The following OR56B2 variants were observed in gnomAD, a reference collection of about 807,000 sequenced individuals.
OR56B2 encodes olfactory receptor 56B2.
chr11:5,762,086 T>A, the OR56B2 span, among the ~76,000 whole-genome samples: 1 of 152,150 alleles, frequency 6.6e-6, no homozygotes, highest in African/African-American at 2.4e-5. Context: ...TATAATCCAT[T>A]GTAAGAATAA....
At chr11:5,766,138 G>C in the OR56B2 span, 1 of 140,286 alleles carries the variant, frequency 7.1e-6, no homozygotes, top group African/African-American at 2.6e-5. Flanking sequence ...GCAAATGGCA[G>C]AACAACAAAG....
At chr11:5,767,042 T>G in the OR56B2 span, 2 of 140,034 alleles carry the variant, frequency 1.4e-5, 1 homozygote, top group African/African-American at 5.2e-5. Context: ...GTTAGAAATA[T>G]AGGTTTATTT....
the OR56B2 span, among the ~76,000 whole-genome samples, chr11:5,763,008 G>A: frequency 6.6e-6 from 1 of 151,340 alleles, no homozygotes; most frequent in Non-Finnish European, 1.5e-5. Flanking sequence ...TTGTTACATT[G>A]GTTTTCTTAT....
the OR56B2 span, among the ~76,000 whole-genome samples, chr11:5,768,822 C>G: frequency 7.2e-6 from 1 of 139,414 alleles, no homozygotes; most frequent in Non-Finnish European, 1.6e-5. Context: ...TTTATTTAAT[C>G]ATAATACTGA....
chr11:5,763,934 A>G, the OR56B2 span, among the ~76,000 whole-genome samples: 2 of 140,262 alleles, frequency 1.4e-5, no homozygotes, highest in South Asian at 2.3e-4. Context: ...TGTAGAAACA[A>G]TTTCATCAAT....
At chr11:5,766,318 TTC>T in the OR56B2 span, 8 of 140,630 alleles carry the variant, frequency 5.7e-5, 2 homozygotes, top group African/African-American at 2.1e-4. Context: ...ACATTTCATG[TTC>T]TTACCCACTT....
At chr11:5,768,600 G>A in the OR56B2 span, among the ~76,000 whole-genome samples, 1 of 139,456 alleles carries the variant, frequency 7.2e-6, no homozygotes, top group Non-Finnish European at 1.6e-5. Context: ...TTGCTGGATG[G>A]AATGGTAGTT....
chr11:5,768,491 C>T, the OR56B2 span, among the ~76,000 whole-genome samples: 1 of 139,014 alleles, frequency 7.2e-6, no homozygotes. Flanking sequence ...AGGTTGATTC[C>T]GTATCTTTCC....
the OR56B2 span, chr11:5,765,047 A>G: frequency 2.8e-5 from 4 of 140,562 alleles, 1 homozygote; most frequent in Non-Finnish European, 6.3e-5. Context: ...TATTTTCTCA[A>G]TACTTCCATA....
the OR56B2 span, among the ~76,000 whole-genome samples, chr11:5,761,912 C>T: frequency 1.3e-5 from 2 of 152,170 alleles, no homozygotes; most frequent in African/African-American, 4.8e-5. Context: ...TAGGGCCACA[C>T]AGAATTTCAT....
chr11:5,761,416 T>C, the OR56B2 span, among the ~76,000 whole-genome samples: 3 of 152,180 alleles, frequency 2.0e-5, no homozygotes, highest in African/African-American at 7.2e-5. Context: ...TTGGAAAACT[T>C]TATGGAACCT....
chr11:5,768,209 T>G, the OR56B2 span, among the ~76,000 whole-genome samples: 18 of 138,432 alleles, frequency 1.3e-4, 1 homozygote, highest in Non-Finnish European at 2.2e-4. Flanking sequence ...TTCTCATTCC[T>G]CATTCCCCTT....
At chr11:5,764,581 A>T in the OR56B2 span, among the ~76,000 whole-genome samples, 2 of 140,782 alleles carry the variant, frequency 1.4e-5, 1 homozygote, top group East Asian at 4.1e-4. Context: ...AAAAGTAAAT[A>T]ATATACATCA....
At chr11:5,761,643 C>T in the OR56B2 span, among the ~76,000 whole-genome samples, 1 of 151,936 alleles carries the variant, frequency 6.6e-6, no homozygotes, top group Non-Finnish European at 1.5e-5. Context: ...TCTCCAGCTC[C>T]GTTGAGTTTT....
the OR56B2 span, among the ~76,000 whole-genome samples, chr11:5,768,712 T>C: frequency 7.1e-6 from 1 of 139,912 alleles, no homozygotes. Flanking sequence ...AATTATTCTC[T>C]ACATGTATAT....
At chr11:5,765,431 A>G in the OR56B2 span, 1 of 141,146 alleles carries the variant, frequency 7.1e-6, no homozygotes, top group African/African-American at 2.6e-5. Flanking sequence ...TGTATGCCAT[A>G]CATTGCTTTG....
chr11:5,768,600 G>C, the OR56B2 span, among the ~76,000 whole-genome samples: 9 of 139,578 alleles, frequency 6.4e-5, 1 homozygote, highest in Admixed American at 3.0e-4. Flanking sequence ...TTGCTGGATG[G>C]AATGGTAGTT....
At chr11:5,763,772 C>T in the OR56B2 span, among the ~76,000 whole-genome samples, 2 of 140,142 alleles carry the variant, frequency 1.4e-5, 1 homozygote, top group Non-Finnish European at 3.2e-5. Context: ...AAAACAGTGA[C>T]ATAAATAACA....
the OR56B2 span, among the ~76,000 whole-genome samples, chr11:5,764,254 A>T: frequency 7.1e-6 from 1 of 141,300 alleles, no homozygotes; most frequent in East Asian, 2.1e-4. Flanking sequence ...AGGAGGCCTT[A>T]TGCCAAAGCA....
Sources: gnomAD v4.1 joint callset for allele counts (sites outside exome capture counted in the v4.1 genomes callset) on GRCh38, gnomAD v4.1.1 for gene constraint, MANE v1.5 for transcripts, NCBI Gene and HGNC (gene_info 2026-07-23, HGNC 2026-07-21) for gene names.